PIAS2: variants seen among roughly 807,000 people sequenced by gnomAD.
PIAS2 encodes E3 SUMO-protein ligase PIAS2.
A neutral mutation model predicts 69.7 loss-of-function variants in PIAS2; 19 were observed. That is an observed-to-expected ratio of 0.27 (90% CI 0.19 to 0.40). The LOEUF (loss-of-function observed/expected upper bound fraction) is 0.40, where lower values mean the gene tolerates loss of function less well. Ranked by LOEUF, PIAS2 falls within the 10% of genes least tolerant of loss-of-function variation. PIAS2 has a pLI of 1.00. For missense variants in PIAS2, 624 were observed against 757.0 expected, an observed-to-expected ratio of 0.82 and a Z score of 2.06; for synonymous variants, 261 against 263.2, an observed-to-expected ratio of 0.99 and a Z score of 0.08.
chr18:46,881,022 A>G (rs866749934), intron 2 of PIAS2, among the ~76,000 whole-genome samples: 1 of 152,230 alleles, frequency 6.6e-6, no homozygotes, highest in African/African-American at 2.4e-5. Flanking sequence ...TACAGAAATT[A>G]TCATTTTATT....
chr18:46,817,684 C>T, intron 12 of PIAS2: 1 of 955,194 alleles, frequency 1.0e-6, no homozygotes, highest in Non-Finnish European at 1.2e-6. Context: ...GATTGTTTAC[C>T]AAGCATTACA....
intron 1 of PIAS2, among the ~76,000 whole-genome samples, chr18:46,914,410 G>A (rs1284947200): frequency 2.0e-5 from 3 of 152,072 alleles, no homozygotes; most frequent in Non-Finnish European, 4.4e-5. Flanking sequence ...TGGTATTCTG[G>A]TCACCCGGAC....
intron 9 of PIAS2, 28 bp from the exon 10 acceptor site, chr18:46,829,895 T>G (rs1236219389): frequency 6.3e-7 from 1 of 1,594,544 alleles, no homozygotes; most frequent in Non-Finnish European, 8.5e-7. Context: ...AGTACATACA[T>G]GTGATCAACA....
rs1353242001 is a variant in PIAS2, at chr18:46,817,800, ATTCT to A, written c.1649-2455_1649-2452del. On this transcript the variant is annotated intron_variant, in intron 12 of 13. Coordinates refer to ENST00000585916, the MANE Select transcript of PIAS2 (RefSeq NM_004671.5). Reference sequence around the variant, plus strand: ...AGTTTGATATGGTATTTTAGATGTTATTCTTTCTAACAAAAAACGAAACCATCAA... The same window carrying A: ...AGTTTGATATGGTATTTTAGATGTTATTCTAACAAAAAACGAAACCATCAA... 22 of 955,594 alleles carry A rather than the reference ATTCT, an allele frequency of 2.3e-5. No individual in the cohort carries two copies. The South Asian group carries it at 7.7e-4, about 34-fold the overall frequency. 59.2% of individuals were successfully genotyped at this position (955,594 alleles called of 1,614,324 possible). A position where few individuals can be genotyped will look rare whatever the true frequency, so the allele number is the denominator to read the frequency against.
At chr18:46,885,507 C>T (rs1332809394) in intron 2 of PIAS2, among the ~76,000 whole-genome samples, 2 of 144,108 alleles carry the variant, frequency 1.4e-5, no homozygotes, top group African/African-American at 5.2e-5. Context: ...GGTGACAGTG[C>T]AAGACTCCAT....
At chr18:46,911,954 G>A (rs992126136) in intron 1 of PIAS2, among the ~76,000 whole-genome samples, 1 of 152,182 alleles carries the variant, frequency 6.6e-6, no homozygotes, top group Non-Finnish European at 1.5e-5. Context: ...GCGAGGCTGA[G>A]GCAGGAGAAT....
rs1385668963 is a variant in PIAS2, at chr18:46,807,307, G to C, written c.*5126C>G. ...CTTTACAGTGCCAGTAAAATCATGG[G>C]AAAAGCTTGGATAGCCATACGTAGG... On this transcript the variant is annotated 3_prime_UTR_variant, in exon 14 of 14. Transcript: ENST00000585916. 7.4e-6 allele frequency: 1 copy of C among 134,732 alleles called. No individual in the cohort carries two copies. The highest frequency in any genetic ancestry group is 2.9e-5 in the African/African-American group (1 of 34,782). 8.3% of individuals were successfully genotyped at this position (134,732 alleles called of 1,614,324 possible). A position where few individuals can be genotyped will look rare whatever the true frequency, so the allele number is the denominator to read the frequency against.
At chr18:46,828,989 AT>A (rs1409684438) in intron 10 of PIAS2, among the ~76,000 whole-genome samples, 1 of 152,144 alleles carries the variant, frequency 6.6e-6, no homozygotes, top group East Asian at 1.9e-4. Context: ...TAAATCCTTT[AT>A]TTTTTCCCCT....
chr18:46,880,765 A>G (rs976153678), intron 2 of PIAS2, among the ~76,000 whole-genome samples: 4 of 152,254 alleles, frequency 2.6e-5, no homozygotes, highest in African/African-American at 7.2e-5. Context: ...GCTCTCTTCT[A>G]TATTAGCAAA....
rs979280062 is a variant in PIAS2, at chr18:46,806,263, T to C, written c.*6170A>G. The C allele has an allele frequency of 2.0e-5, 3 of 151,470 alleles. No homozygotes were observed. The highest frequency in any genetic ancestry group is 7.3e-5 in the African/African-American group (3 of 41,290). The allele number at this position is 151,470 out of a possible 1,614,324, so 9.4% of individuals were successfully genotyped here. ...GGGAAACTTACCTAAACCTGTTTCA[T>C]TTGTAAAATGGGGAATAACACCACT... On this transcript the variant is annotated 3_prime_UTR_variant, in exon 14 of 14. Coordinates refer to ENST00000585916, the MANE Select transcript of PIAS2 (RefSeq NM_004671.5).
chr18:46,842,649 C>A (rs1240062982), intron 8 of PIAS2, among the ~76,000 whole-genome samples: 1 of 152,170 alleles, frequency 6.6e-6, no homozygotes, highest in African/African-American at 2.4e-5. Flanking sequence ...AATCTACTAT[C>A]AATTTTGATT....
intron 11 of PIAS2, chr18:46,827,323 C>T (rs1303673064): frequency 6.6e-6 from 1 of 152,062 alleles, no homozygotes; most frequent in Non-Finnish European, 1.5e-5. Context: ...GTCAGTAATG[C>T]CTTCTGCCAG....
chr18:46,829,600 TG>T, intron 10 of PIAS2, 133 bp downstream of exon 10: 1 of 716,646 alleles, frequency 1.4e-6, no homozygotes, highest in African/African-American at 1.8e-5. Flanking sequence ...AAAAATCATT[TG>T]GGGGAAAACT....
intron 1 of PIAS2, among the ~76,000 whole-genome samples, chr18:46,911,267 G>A (rs894882489): frequency 6.7e-6 from 1 of 150,034 alleles, no homozygotes; most frequent in East Asian, 2.0e-4. Context: ...CCAGCCTGGA[G>A]TGCAATGACA....
At position 46,808,313 on chromosome 18, in the gene PIAS2, A is replaced by G. The variant is rs1306259124; in HGVS notation, c.*4120T>C. 1.3e-5 allele frequency: 2 copies of G among 152,220 alleles called. No individual in the cohort carries two copies. Among genetic ancestry groups the G allele is most frequent in the Non-Finnish European group, 2.9e-5 (2 of 68,026 alleles). The allele number at this position is 152,220 out of a possible 1,614,324, so 9.4% of individuals were successfully genotyped here. A position where few individuals can be genotyped will look rare whatever the true frequency, so the allele number is the denominator to read the frequency against. ...GCAATTAATTGTTATACTTTTCTGT[A>G]TTGTCTAAATTTTCCACAATAAGCA... On this transcript the variant is annotated 3_prime_UTR_variant, in exon 14 of 14. Transcript: ENST00000585916.
intron 5 of PIAS2, among the ~76,000 whole-genome samples, chr18:46,855,103 T>TAAAAAAAAA (rs59957336): frequency 4.2e-4 from 32 of 76,332 alleles, no homozygotes; most frequent in Non-Finnish European, 6.2e-4. Flanking sequence ...CTTGTCTCTT[T>TAAAAAAAAA]AAAAAAAAAA....
chr18:46,830,677 C>T (rs1471841269), intron 9 of PIAS2, among the ~76,000 whole-genome samples: 1 of 152,060 alleles, frequency 6.6e-6, no homozygotes, highest in African/African-American at 2.4e-5. Context: ...AACTTATTTA[C>T]ACTCACTCCA....
intron 9 of PIAS2, among the ~76,000 whole-genome samples, chr18:46,832,264 A>G (rs2043740057): frequency 6.6e-6 from 1 of 151,876 alleles, no homozygotes; most frequent in Non-Finnish European, 1.5e-5. Context: ...AAAATACAAA[A>G]ATTAGCCAGG....
intron 1 of PIAS2, among the ~76,000 whole-genome samples, chr18:46,914,823 A>G (rs2057639057): frequency 6.6e-6 from 1 of 152,182 alleles, no homozygotes; most frequent in African/African-American, 2.4e-5. Context: ...AAGTTAGCCA[A>G]CAAACTAATG....
Sources: allele counts gnomAD v4.1 joint callset (sites outside exome capture counted in the v4.1 genomes callset), GRCh38; gene constraint gnomAD v4.1.1; transcripts MANE v1.5; gene names NCBI Gene and HGNC (gene_info 2026-07-23, HGNC 2026-07-21).